Variants in ARHGAP6 observed in about 807,000 individuals in gnomAD.
ARHGAP6 encodes the protein rho GTPase-activating protein 6.
ARHGAP6 carries 16 observed loss-of-function variants against 55.7 expected under a neutral mutation model. That is an observed-to-expected ratio of 0.29 (90% CI 0.19 to 0.44). ARHGAP6 has a LOEUF of 0.44. Ranked by LOEUF, ARHGAP6 falls within the 20% of genes least tolerant of loss-of-function variation. ARHGAP6 has a pLI of 1.00. For synonymous variants in ARHGAP6, 382 were observed against 360.9 expected (o/e 1.06, Z -0.66); for missense variants, 698 against 808.9 (o/e 0.86, Z 1.66).
intron 1 of ARHGAP6, among the ~76,000 whole-genome samples, chrX:11,630,605 A>T (rs776026021): frequency 2.6e-4 from 28 of 108,005 alleles, no homozygotes; most frequent in East Asian, 1.1e-3. Context: ...TGTTTGAGTT[A>T]ATGATGAATG....
chrX:11,494,157 T>C (rs966425025), intron 1 of ARHGAP6, among the ~76,000 whole-genome samples: 2 of 111,964 alleles, frequency 1.8e-5, no homozygotes, highest in Admixed American at 9.5e-5. Flanking sequence ...CCTCCTCCAC[T>C]GTGACAACAA....
At chrX:11,530,468 A>G (rs1329486846) in intron 1 of ARHGAP6, among the ~76,000 whole-genome samples, 1 of 112,371 alleles carries the variant, frequency 8.9e-6, no homozygotes, top group Non-Finnish European at 1.9e-5. Context: ...TTGACAGACT[A>G]TATTCTCAAT....
At position 11,283,339 on chromosome X, in the gene ARHGAP6, T is replaced by C. The variant is rs781251384; in HGVS notation, c.589-28632A>G. On this transcript the variant is annotated intron_variant, in intron 1 of 12. Transcript: ENST00000337414. Reference sequence around the variant, plus strand: ...GTCTAGCTGAGAAGCTAGTATCACATGGCCAAGTTTGGAGGATTTTGCAGG... The same window carrying C: ...GTCTAGCTGAGAAGCTAGTATCACACGGCCAAGTTTGGAGGATTTTGCAGG... Among the ~76,000 whole-genome samples, 5 of 112,161 alleles carry C rather than the reference T, an allele frequency of 4.5e-5. No homozygotes were observed. The South Asian group carries it at 1.9e-3, about 42-fold the overall frequency.
At chrX:11,605,461 C>A (rs1053014380) in intron 1 of ARHGAP6, among the ~76,000 whole-genome samples, 1 of 111,205 alleles carries the variant, frequency 9.0e-6, no homozygotes, top group African/African-American at 3.3e-5. Context: ...AGAAGAAGAA[C>A]AGGGGGAGTG....
intron 1 of ARHGAP6, among the ~76,000 whole-genome samples, chrX:11,549,657 G>A (rs1420532083): frequency 4.5e-5 from 5 of 112,072 alleles, no homozygotes; most frequent in African/African-American, 1.6e-4. Flanking sequence ...AAGCTTTCAA[G>A]GATGCTGATG....
Position 11,421,120 on chromosome X carries a change from A to C in ARHGAP6, c.589-166413T>G, listed in dbSNP as rs141045644. On this transcript the variant is annotated intron_variant, in intron 1 of 12. Coordinates refer to ENST00000337414, the MANE Select transcript of ARHGAP6 (RefSeq NM_013427.3). Reference sequence around the variant, plus strand: ...GTAATCCCCACACAGTATGAAACACACTGTTCATAACTGTGACTCACAGCC... The same window carrying C: ...GTAATCCCCACACAGTATGAAACACCCTGTTCATAACTGTGACTCACAGCC... Among the ~76,000 whole-genome samples the C allele has an allele frequency of 1.3e-3, 140 of 111,770 alleles. No homozygotes were observed. The East Asian group carries it at 0.035, about 28-fold the overall frequency.
At chrX:11,442,502 C>A (rs1400819588) in intron 1 of ARHGAP6, among the ~76,000 whole-genome samples, 1 of 111,970 alleles carries the variant, frequency 8.9e-6, no homozygotes, top group African/African-American at 3.2e-5. Context: ...AACAGCTCCC[C>A]CAGTCTCCAG....
At chrX:11,413,716 G>A (rs952466224) in intron 1 of ARHGAP6, among the ~76,000 whole-genome samples, 7 of 112,116 alleles carry the variant, frequency 6.2e-5, no homozygotes, top group African/African-American at 1.6e-4. Context: ...TCTCCCTTTC[G>A]CACTGGTAAG....
At chrX:11,145,696 A>G (rs1332291869) in intron 10 of ARHGAP6, among the ~76,000 whole-genome samples, 1 of 112,255 alleles carries the variant, frequency 8.9e-6, no homozygotes, top group Non-Finnish European at 1.9e-5. Flanking sequence ...GACTGGCTAC[A>G]CCATTTGTGG....
rs369264316 is a variant in ARHGAP6, at chrX:11,138,872, C to T, written c.2916G>A (p.Thr972=). ...STDNPDALPE[T]LV ...TCGGCTGGGTGCGGGCTCAGACCAG[C>T]GTCTCGGGCAGGGCATCGGGGTTGT... The change falls in exon 13 of 13, where the codon ACG becomes ACA. Residue 972 remains threonine (T), a synonymous_variant. Coordinates refer to ENST00000337414, the MANE Select transcript of ARHGAP6 (RefSeq NM_013427.3). 2.5e-5 allele frequency: 29 copies of T among 1,179,655 alleles called. No homozygotes were observed. The highest frequency in any genetic ancestry group is 3.0e-5 in the Non-Finnish European group (27 of 886,250).
At chrX:11,226,973 G>A (rs1020184049) in intron 2 of ARHGAP6, among the ~76,000 whole-genome samples, 5 of 112,086 alleles carry the variant, frequency 4.5e-5, no homozygotes, top group South Asian at 3.7e-4. Context: ...TTAGCTAATC[G>A]TTATTGGACA....
rs753444494 is a variant in ARHGAP6 at position 11,661,125 on chromosome X, C to T, written c.588+3116G>A. Among the ~76,000 whole-genome samples the T allele has an allele frequency of 2.7e-5, 3 of 112,431 alleles. No homozygotes were observed. The South Asian group carries it at 1.1e-3, about 41-fold the overall frequency. On this transcript the variant is annotated intron_variant, in intron 1 of 12. Coordinates refer to ENST00000337414, the MANE Select transcript of ARHGAP6 (RefSeq NM_013427.3). ...TATGGGTTGCAAAAGTTGGCAAACT[C>T]CAGGTTAGCTATGGACATAATCCCA...
intron 2 of ARHGAP6, among the ~76,000 whole-genome samples, chrX:11,208,171 T>A (rs746610306): frequency 3.0e-4 from 34 of 111,542 alleles, no homozygotes; most frequent in Middle Eastern, 4.6e-3. Context: ...TGTGGAATCA[T>A]CCTGCTGAGT....
At chrX:11,295,195 C>T (rs1791293371) in intron 1 of ARHGAP6, among the ~76,000 whole-genome samples, 1 of 111,594 alleles carries the variant, frequency 9.0e-6, no homozygotes, top group Admixed American at 9.5e-5. Context: ...AGTGCTTAAC[C>T]AGCTTTGGAC....
At chrX:11,241,423 T>C (rs2047276548) in intron 2 of ARHGAP6, among the ~76,000 whole-genome samples, 2 of 110,357 alleles carry the variant, frequency 1.8e-5, no homozygotes, top group Non-Finnish European at 3.8e-5. Flanking sequence ...GGAACCAGGG[T>C]TCAAGAGAGG....
chrX:11,223,796 C>T (rs3859993), intron 2 of ARHGAP6, among the ~76,000 whole-genome samples: 21,678 of 110,218 alleles, frequency 0.2, 1,759 homozygotes, highest in Middle Eastern at 0.31. Context: ...TGAGAACCCA[C>T]ATGTTATTTA....
chrX:11,609,660 T>C (rs1210357259), intron 1 of ARHGAP6, among the ~76,000 whole-genome samples: 2 of 111,837 alleles, frequency 1.8e-5, no homozygotes, highest in Non-Finnish European at 3.8e-5. Flanking sequence ...ACTGTAAAGC[T>C]GCAGGGAATA....
intron 1 of ARHGAP6, among the ~76,000 whole-genome samples, chrX:11,453,437 T>C (rs2147809892): frequency 9.3e-6 from 1 of 107,871 alleles, no homozygotes; most frequent in East Asian, 2.9e-4. Context: ...ACGGGGACCC[T>C]TGCAAAACTT....
chrX:11,595,013 G>A (rs1011534572), intron 1 of ARHGAP6, among the ~76,000 whole-genome samples: 7 of 111,548 alleles, frequency 6.3e-5, no homozygotes, highest in Admixed American at 1.9e-4. Flanking sequence ...ATGATCAGTC[G>A]GGCGCAGTGG....
Sources: allele counts gnomAD v4.1 joint callset (sites outside exome capture counted in the v4.1 genomes callset), GRCh38; gene constraint gnomAD v4.1.1; transcripts MANE v1.5; gene names NCBI Gene and HGNC (gene_info 2026-07-23, HGNC 2026-07-21).